Variants in MYT1 observed in about 807,000 individuals in gnomAD.
MYT1 encodes myelin transcription factor I.
Under a neutral mutation model 123.0 loss-of-function variants are expected in MYT1, and 23 were observed. The observed-to-expected ratio is 0.19, with a 90% CI of 0.13 to 0.26. The LOEUF (loss-of-function observed/expected upper bound fraction) is 0.26, where lower values mean the gene tolerates loss of function less well. MYT1 is among the 10% of genes least tolerant of loss of function. The pLI is 1.00. For synonymous variants in MYT1, 518 were observed against 575.3 expected (o/e 0.90, Z 1.43); for missense variants, 1,125 against 1,472.5 (o/e 0.76, Z 3.86).
intron 4 of MYT1, 24 bp from the exon 5 acceptor site, chr20:64,205,011 C>G (rs540362394): frequency 6.2e-7 from 1 of 1,613,500 alleles, no homozygotes; most frequent in South Asian, 1.1e-5. Context: ...CCTGATGTGG[C>G]CTTGCCTTTT....
chr20:64,201,935 G>GTGTCGGGAACCCCCGCA (rs1983321068), intron 4 of MYT1, among the ~76,000 whole-genome samples: 3 of 140,842 alleles, frequency 2.1e-5, no homozygotes, highest in Admixed American at 2.1e-4. Flanking sequence ...GAACCCCCGC[G>GTGTCGGGAACCCCCGCA]TGTCGGGAAC....
At chr20:64,239,977 T>C in intron 22 of MYT1, 74 bp downstream of exon 22, 1 of 1,570,934 alleles carries the variant, frequency 6.4e-7, no homozygotes, top group Non-Finnish European at 8.6e-7. Flanking sequence ...GGGCAGGGCA[T>C]CTCCCACCCC....
chr20:64,239,396 T>C (rs536531697), intron 21 of MYT1, among the ~76,000 whole-genome samples: 1 of 152,196 alleles, frequency 6.6e-6, no homozygotes, highest in Admixed American at 6.5e-5. Flanking sequence ...CAGGGCGCTG[T>C]GAAGTCTGTG....
At chr20:64,179,971 TCA>T (rs1482139426) in intron 1 of MYT1, among the ~76,000 whole-genome samples, 39 of 141,200 alleles carry the variant, frequency 2.8e-4, no homozygotes, top group African/African-American at 7.9e-4. Context: ...AGTTACACAC[TCA>T]CATGCTACAC....
intron 10 of MYT1, 145 bp from the exon 11 acceptor site, chr20:64,216,922 T>C: frequency 1.4e-6 from 1 of 719,022 alleles, no homozygotes; most frequent in Non-Finnish European, 2.3e-6. Context: ...AGTGGTGGAA[T>C]ATGCAGGGGT....
At position 64,171,550 on chromosome 20, in the gene MYT1, G is replaced by A. The variant is rs542011721; in HGVS notation, c.-99+6811G>A. Among the ~76,000 whole-genome samples the A allele has an allele frequency of 2.0e-5, 3 of 152,316 alleles. No homozygotes were observed. In the East Asian group the frequency reaches 5.8e-4, roughly 29 times the overall value. On this transcript the variant is annotated intron_variant, in intron 1 of 22. Transcript: ENST00000328439. Reference sequence around the variant, plus strand: ...GGATGTGGAGCTCCCTTCATCCCCAGGGTCTGAGCCTTTGTCCTTGGCTGA... The same window carrying A: ...GGATGTGGAGCTCCCTTCATCCCCAAGGTCTGAGCCTTTGTCCTTGGCTGA...
intron 18 of MYT1, among the ~76,000 whole-genome samples, chr20:64,230,551 C>T (rs1984290319): frequency 1.3e-5 from 2 of 152,222 alleles, no homozygotes; most frequent in South Asian, 2.1e-4. Context: ...AATTCAGATT[C>T]GACTGTGTAG....
Position 64,226,397 on chromosome 20 carries a change from G to A in MYT1, c.2529-1018G>A, listed in dbSNP as rs750305434. On this transcript the variant is annotated intron_variant, in intron 16 of 22. Transcript: ENST00000328439. ...GTCCCAGTGGCCGGATGTCACATGT[G>A]CTGGTGGAAGACTCCGGTGAGGAAG... Among the ~76,000 whole-genome samples, 177 of 152,236 alleles carry A rather than the reference G, an allele frequency of 1.2e-3. 1 individual carries two copies. Among genetic ancestry groups the A allele is most frequent in the Non-Finnish European group, 2.2e-3 (149 of 68,044 alleles).
rs1049506977 is a variant in MYT1 at position 64,196,040 on chromosome 20, G to T, written c.1-2822G>T. On this transcript the variant is annotated intron_variant, in intron 2 of 22. Transcript: ENST00000328439. The surrounding 1 kb of genome is among the most constrained non-coding windows in gnomAD (Gnocchi z 4.3). Reference sequence around the variant, plus strand: ...GCAGACGTTCTTGAGAAAGGTTGCCGGCCCAGCAGTAAGAGTGGGTGATGG... The same window carrying T: ...GCAGACGTTCTTGAGAAAGGTTGCCTGCCCAGCAGTAAGAGTGGGTGATGG... 1.3e-5 allele frequency among the ~76,000 whole-genome samples: 2 copies of T among 152,190 alleles called. No homozygotes were observed. The highest frequency in any genetic ancestry group is 4.8e-5 in the African/African-American group (2 of 41,438).
At chr20:64,187,769 G>C (rs1982856465) in intron 1 of MYT1, among the ~76,000 whole-genome samples, 1 of 152,268 alleles carries the variant, frequency 6.6e-6, no homozygotes, top group South Asian at 2.1e-4. Flanking sequence ...TTTCCTAGGA[G>C]AGGGAGGCTA....
chr20:64,187,707 C>G (rs1982854624), intron 1 of MYT1, among the ~76,000 whole-genome samples: 1 of 152,278 alleles, frequency 6.6e-6, no homozygotes, highest in Non-Finnish European at 1.5e-5. Context: ...AGGAGAAGAA[C>G]TGGCATACCT....
At chr20:64,187,485 T>C (rs540185128) in intron 1 of MYT1, among the ~76,000 whole-genome samples, 67 of 140,044 alleles carry the variant, frequency 4.8e-4, no homozygotes, top group African/African-American at 1.4e-3. Context: ...TCCTGTAGCC[T>C]GTGGCCCCGG....
chr20:64,238,111 GA>G (rs11471444), intron 21 of MYT1, among the ~76,000 whole-genome samples: 9 of 148,806 alleles, frequency 6.0e-5, no homozygotes, highest in African/African-American at 1.7e-4. Context: ...TTTGTAATCA[GA>G]AAAAAAAAAG....
chr20:64,201,768 G>A (rs1983309969), intron 4 of MYT1, among the ~76,000 whole-genome samples: 1 of 152,244 alleles, frequency 6.6e-6, no homozygotes, highest in Admixed American at 6.5e-5. Flanking sequence ...CACACCGTGG[G>A]TACCAGAACA....
chr20:64,236,964 T>C (rs1267914175), intron 20 of MYT1, among the ~76,000 whole-genome samples: 6 of 152,156 alleles, frequency 3.9e-5, no homozygotes, highest in African/African-American at 1.4e-4. Flanking sequence ...TCATTCCCCC[T>C]TAGGTGAGGA....
Position 64,218,900 on chromosome 20 carries a change from C to T in MYT1, c.1847-11C>T, listed in dbSNP as rs1286355591. On this transcript the variant is annotated splice_polypyrimidine_tract_variant and intron_variant, in intron 11 of 22. Coordinates refer to ENST00000328439, the MANE Select transcript of MYT1 (RefSeq NM_004535.3). The surrounding 1 kb of genome is among the most constrained non-coding windows in gnomAD (Gnocchi z 4.0). ...GTAGTTATGTGAGGAGCACTTCATC[C>T]TCTTCTGCAGGCTTTGACTACTCGC... is the stretch of plus-strand genomic sequence containing the variant. 1 of 1,613,402 alleles carries T rather than the reference C, an allele frequency of 6.2e-7. No homozygotes were observed. The highest frequency in any genetic ancestry group is 1.7e-5 in the Admixed American group (1 of 60,034).
rs754181419 is a variant in MYT1, at chr20:64,218,858, C to A, written c.1847-53C>A. ...AACCTTTCCCAAAGGCCTCTTCCCC[C>A]AGGCACAGCCCCTCCAGTAGTTATG... On this transcript the variant is annotated intron_variant, in intron 11 of 22. Coordinates refer to ENST00000328439, the MANE Select transcript of MYT1 (RefSeq NM_004535.3). This position sits in a 1 kb window ranked among gnomAD's most constrained non-coding sequence, Gnocchi z 4.0. The A allele has an allele frequency of 6.2e-7, 1 of 1,611,534 alleles. No homozygotes were observed.
chr20:64,208,353 C>T lies in MYT1; in HGVS notation c.1157C>T (p.Ala386Val). 1 of 1,614,010 alleles carries T rather than the reference C, an allele frequency of 6.2e-7. No homozygotes were observed. The highest frequency in any genetic ancestry group is 2.2e-5 in the East Asian group (1 of 44,886). Residue 386 changes from alanine to valine, a missense_variant, in exon 7 of 23, where the codon GCC (alanine) becomes GTC (valine). Around this residue, in one of 4 missense-constraint regions of MYT1, gnomAD observed 429 missense variants for 604.1 expected, o/e 0.71. Transcript: ENST00000328439. The surrounding 1 kb of genome is among the most constrained non-coding windows in gnomAD (Gnocchi z 5.4). ...GNLGLLEQAI[A>V]LKAEQVRTVC... is the part of the protein sequence containing the mutation. ...CTGGGCCTCCTGGAGCAGGCCATCG[C>T]CCTGAAGGCTGAACAGGTGCGCACA...
intron 7 of MYT1, among the ~76,000 whole-genome samples, chr20:64,209,113 G>A (rs1027255327): frequency 2.6e-5 from 4 of 152,186 alleles, no homozygotes; most frequent in Non-Finnish European, 5.9e-5. Flanking sequence ...CTGGGCTGAC[G>A]TGGTTGGGGA....
Sources: allele counts gnomAD v4.1 joint callset (sites outside exome capture counted in the v4.1 genomes callset), GRCh38; gene constraint gnomAD v4.1.1; regional missense constraint gnomAD v4.1.1; non-coding constraint Gnocchi (gnomAD v3.1); transcripts MANE v1.5; gene names NCBI Gene and HGNC (gene_info 2026-07-23, HGNC 2026-07-21).